ZNF134: variants seen among roughly 807,000 people sequenced by gnomAD.
ZNF134 encodes zinc finger protein 134 (clone pHZ-15).
In ZNF134, 5 loss-of-function variants were observed where a neutral mutation model predicts 2.5. The ratio of observed to expected loss-of-function variants is 2.03; its 90% CI spans 1.06 to 4.27. ZNF134 has a LOEUF of 4.27. Ranked by LOEUF, ZNF134 falls within the 30% of genes most tolerant of loss-of-function variation. The pLI is 0.00. For synonymous variants in ZNF134, 176 were observed against 176.2 expected, an observed-to-expected ratio of 1.00 and a Z score of 0.01; for missense variants, 540 against 517.5, an observed-to-expected ratio of 1.04 and a Z score of -0.42.
chr19:57,616,136 T>A (rs759581646), intron 1 of ZNF134, among the ~76,000 whole-genome samples: 13 of 152,158 alleles, frequency 8.5e-5, no homozygotes, highest in Non-Finnish European at 1.3e-4. Context: ...CATTGGTGCC[T>A]CAGTTACCCA....
At chr19:57,620,036 C>CCTAG in intron 2 of ZNF134, 124 bp from the exon 3 acceptor site, 1 of 1,136,804 alleles carries the variant, frequency 8.8e-7, no homozygotes, top group Non-Finnish European at 1.2e-6. Flanking sequence ...TCAACCTGAT[C>CCTAG]CTAGCTCTGT....
rs1176453812 is a variant in ZNF134 at position 57,623,330 on chromosome 19, T to G, written c.*1927T>G. On this transcript the variant is annotated 3_prime_UTR_variant, in exon 3 of 3. Coordinates refer to ENST00000396161, the MANE Select transcript of ZNF134 (RefSeq NM_003435.5). ...ATTGATGTCTGTACTCCACCCCCAT[T>G]TTTAAATATTAAAAAGCTGCTGCAA... 6.6e-6 allele frequency: 1 copy of G among 152,182 alleles called. No homozygotes were observed. The highest frequency in any genetic ancestry group is 1.5e-5 in the Non-Finnish European group (1 of 68,034). 9.4% of individuals were successfully genotyped at this position (152,182 alleles called of 1,614,324 possible). A position where few individuals can be genotyped will look rare whatever the true frequency, so the allele number is the denominator to read the frequency against.
Position 57,621,509 on chromosome 19 carries a change from C to T in ZNF134, c.*106C>T. ...ATGGTGCCAGGTACGTGGGAACCTTCTAGGGATATGTTGCACTTTCTGACT... is the reference window on the plus strand; with the variant it reads ...ATGGTGCCAGGTACGTGGGAACCTTTTAGGGATATGTTGCACTTTCTGACT... On this transcript the variant is annotated 3_prime_UTR_variant, in exon 3 of 3. Transcript: ENST00000396161. 6.5e-7 allele frequency: 1 copy of T among 1,546,196 alleles called. No homozygotes were observed. The highest frequency in any genetic ancestry group is 8.8e-7 in the Non-Finnish European group (1 of 1,131,434).
In ZNF134 at chr19:57,622,389, A is replaced by G. The variant is rs1981251880; in HGVS notation, c.*986A>G. Reference sequence around the variant, plus strand: ...CATCCAGTAGGGAAACAAAATTGATAAATATTGAGTGTGAGTAATTGGGAT... The same window carrying G: ...CATCCAGTAGGGAAACAAAATTGATGAATATTGAGTGTGAGTAATTGGGAT... On this transcript the variant is annotated 3_prime_UTR_variant, in exon 3 of 3. Transcript: ENST00000396161. The G allele has an allele frequency of 6.6e-6, 1 of 152,226 alleles. No homozygotes were observed. The highest frequency in any genetic ancestry group is 2.4e-5 in the African/African-American group (1 of 41,434). 9.4% of individuals were successfully genotyped at this position (152,226 alleles called of 1,614,324 possible).
rs1248060273 is a variant in ZNF134 at position 57,622,939 on chromosome 19, TG to T, written c.*1537del. On this transcript the variant is annotated 3_prime_UTR_variant, in exon 3 of 3. Transcript: ENST00000396161. ...TGCAATATATTGCACATATTTAAAG[TG>T]TACGAGTTAAGTCTTGATACACACA... The T allele has an allele frequency of 6.9e-6, 1 of 145,916 alleles. No homozygotes were observed. Among genetic ancestry groups the T allele is most frequent in the African/African-American group, 2.5e-5 (1 of 39,294 alleles). The allele number at this position is 145,916 out of a possible 1,614,324, so 9.0% of individuals were successfully genotyped here.
rs763887818 is a variant in ZNF134 at position 57,620,414 on chromosome 19, T to C, written c.295T>C (p.Cys99Arg). 1 of 1,614,128 alleles carries C rather than the reference T, an allele frequency of 6.2e-7. No individual in the cohort carries two copies. The highest frequency in any genetic ancestry group is 2.2e-5 in the East Asian group (1 of 44,882). ...TGCAAACCTTCATCAGTACCAGAAG[T>C]GTTACAGTATAGAGCAACCCTTAAG... ...FSANLHQYQK[C>R]YSIEQPLRRD... is the part of the protein sequence containing the mutation. The change falls in exon 3 of 3, where the codon TGT (cysteine) becomes CGT (arginine). Residue 99 changes from cysteine to arginine, a missense_variant. Physicochemically the swap from Cys to Arg is radical, Grantham distance 180. Transcript: ENST00000396161.
chr19:57,617,432 G>T (rs1303950084), intron 1 of ZNF134, among the ~76,000 whole-genome samples: 1 of 152,194 alleles, frequency 6.6e-6, no homozygotes, highest in Non-Finnish European at 1.5e-5. Flanking sequence ...GAAAGAAAAG[G>T]CAAGGGGTGA....
Position 57,623,058 on chromosome 19 carries a change from GC to G in ZNF134, c.*1658del, listed in dbSNP as rs1981276978. On this transcript the variant is annotated 3_prime_UTR_variant, in exon 3 of 3. Transcript: ENST00000396161. ...CTGTTACCCCCAAAGTTAACCTGAGGCCCTTAACCTTTCTCTCAGTGCTCGC... is the reference window on the plus strand; with the variant it reads ...CTGTTACCCCCAAAGTTAACCTGAGGCCTTAACCTTTCTCTCAGTGCTCGC... 1 of 151,756 alleles carries G rather than the reference GC, an allele frequency of 6.6e-6. No homozygotes were observed. Among genetic ancestry groups the G allele is most frequent in the Non-Finnish European group, 1.5e-5 (1 of 67,976 alleles). The allele number at this position is 151,756 out of a possible 1,614,324, so 9.4% of individuals were successfully genotyped here. A position where few individuals can be genotyped will look rare whatever the true frequency, so the allele number is the denominator to read the frequency against.
chr19:57,621,262 T>C lies in ZNF134; in HGVS notation c.1143T>C (p.Phe381=), dbSNP rs570889869. The C allele has an allele frequency of 1.2e-6, 2 of 1,613,976 alleles. No individual in the cohort carries two copies. Among genetic ancestry groups the C allele is most frequent in the Non-Finnish European group, 1.7e-6 (2 of 1,179,980 alleles). The change falls in exon 3 of 3, where the codon TTT becomes TTC. Residue 381 remains phenylalanine (F), a synonymous_variant. Coordinates refer to ENST00000396161, the MANE Select transcript of ZNF134 (RefSeq NM_003435.5). ...PFVCSKCGKD[F]IRTSHLVRHQ... is the part of the protein sequence containing the mutation. The stretch of plus-strand genomic sequence containing the variant: ...TGTGCAGTAAATGTGGGAAAGACTT[T>C]ATCAGAACCTCCCACCTTGTTCGAC...
intron 1 of ZNF134, among the ~76,000 whole-genome samples, chr19:57,615,448 A>G (rs1307915448): frequency 6.6e-6 from 1 of 151,956 alleles, no homozygotes; most frequent in African/African-American, 2.4e-5. Context: ...GGGTCCTGGC[A>G]TGTGAAAGCA....
rs918840811 is a variant in ZNF134 at position 57,624,199 on chromosome 19, C to T, written c.*2796C>T. The stretch of plus-strand genomic sequence containing the variant: ...CCATTTTTTTTGTTTTCCCCCCTTC[C>T]ATTTCCTCCCCTTTTGAAACAATGC... On this transcript the variant is annotated 3_prime_UTR_variant, in exon 3 of 3. Coordinates refer to ENST00000396161, the MANE Select transcript of ZNF134 (RefSeq NM_003435.5). 6.6e-6 allele frequency: 1 copy of T among 152,192 alleles called. No homozygotes were observed. Among genetic ancestry groups the T allele is most frequent in the Non-Finnish European group, 1.5e-5 (1 of 68,112 alleles). The allele number at this position is 152,192 out of a possible 1,614,324, so 9.4% of individuals were successfully genotyped here. A position where few individuals can be genotyped will look rare whatever the true frequency, so the allele number is the denominator to read the frequency against.
At position 57,621,080 on chromosome 19, in the gene ZNF134, T is replaced by G; in HGVS notation, c.961T>G (p.Cys321Gly). The G allele has an allele frequency of 6.2e-7, 1 of 1,614,228 alleles. No homozygotes were observed. The highest frequency in any genetic ancestry group is 8.5e-7 in the Non-Finnish European group (1 of 1,180,044). Reference sequence around the variant, plus strand: ...AGAAAATCCTTATGATTGCAGTGATTGTGGGAAATCCTTTGGCCACAAATA... The same window carrying G: ...AGAAAATCCTTATGATTGCAGTGATGGTGGGAAATCCTTTGGCCACAAATA... ...TGENPYDCSD[C>G]GKSFGHKYTL... is the part of the protein sequence containing the mutation. The change falls in exon 3 of 3, where the codon TGT becomes GGT. Residue 321 changes from cysteine to glycine, a missense_variant. By Grantham distance (159) the Cys-to-Gly change is radical. Transcript: ENST00000396161.
Position 57,620,288 on chromosome 19 carries a change from C to T in ZNF134, c.169C>T (p.Pro57Ser). ...GGCTCTCCCTTGTGACATATGTGGC[C>T]CCATCTTGAAAGATATTTTGCACCT... ...QTALPCDICG[P>S]ILKDILHLDE... Residue 57 changes from proline (P) to serine (S), a missense_variant, in exon 3 of 3, where the codon CCC becomes TCC. Transcript: ENST00000396161. 2 of 1,614,130 alleles carry T rather than the reference C, an allele frequency of 1.2e-6. No individual in the cohort carries two copies. The highest frequency in any genetic ancestry group is 1.7e-6 in the Non-Finnish European group (2 of 1,180,046).
intron 1 of ZNF134, among the ~76,000 whole-genome samples, chr19:57,618,017 A>G (rs764629281): frequency 6.6e-6 from 1 of 152,130 alleles, no homozygotes; most frequent in South Asian, 2.1e-4. Context: ...CAGTCAAGCT[A>G]GTGAATTAGC....
chr19:57,622,269 T>C lies in ZNF134; in HGVS notation c.*866T>C, dbSNP rs1235282885. ...GCATGTGTCCCATGTTCCCCAACAC[T>C]GTTGAGGGAAAGCTGTTCCTCAGGA... On this transcript the variant is annotated 3_prime_UTR_variant, in exon 3 of 3. Transcript: ENST00000396161. 6.6e-6 allele frequency: 1 copy of C among 152,526 alleles called. No individual in the cohort carries two copies. The highest frequency in any genetic ancestry group is 1.5e-5 in the Non-Finnish European group (1 of 68,220). The allele number at this position is 152,526 out of a possible 1,614,324, so 9.4% of individuals were successfully genotyped here.
At chr19:57,615,628 C>G (rs183079199) in intron 1 of ZNF134, among the ~76,000 whole-genome samples, 14 of 152,258 alleles carry the variant, frequency 9.2e-5, no homozygotes, top group African/African-American at 3.4e-4. Context: ...TTATCTCTAA[C>G]CCATAGTCCC....
In ZNF134 at chr19:57,620,400, A is replaced by T; in HGVS notation, c.281A>T (p.His94Leu). The T allele has an allele frequency of 6.2e-7, 1 of 1,614,250 alleles. No individual in the cohort carries two copies. Among genetic ancestry groups the T allele is most frequent in the Admixed American group, 1.7e-5 (1 of 60,034 alleles). Residue 94 changes from histidine to leucine, a missense_variant, in exon 3 of 3, where the codon CAT (histidine) becomes CTT (leucine). Physicochemically the swap from His to Leu is moderately conservative, Grantham distance 99. Coordinates refer to ENST00000396161, the MANE Select transcript of ZNF134 (RefSeq NM_003435.5). The part of the protein sequence containing the change: ...GRQFWFSANL[H>L]QYQKCYSIEQ... ...CAATTCTGGTTCAGTGCAAACCTTC[A>T]TCAGTACCAGAAGTGTTACAGTATA...
chr19:57,615,501 G>A (rs970535724), intron 1 of ZNF134, among the ~76,000 whole-genome samples: 1 of 152,000 alleles, frequency 6.6e-6, no homozygotes, highest in Non-Finnish European at 1.5e-5. Context: ...GTGCTGCAAA[G>A]TGAAACCAGC....
rs1401651446 is a variant in ZNF134 at position 57,622,069 on chromosome 19, A to T, written c.*666A>T. ...GAGAACAGTTCTTAGTCCAGTTTTG[A>T]TGTTAACTTCCATAGCTGACAAAGC... On this transcript the variant is annotated 3_prime_UTR_variant, in exon 3 of 3. Transcript: ENST00000396161. 1 of 159,780 alleles carries T rather than the reference A, an allele frequency of 6.3e-6. No individual in the cohort carries two copies. Among genetic ancestry groups the T allele is most frequent in the Non-Finnish European group, 1.4e-5 (1 of 71,842 alleles). 9.9% of individuals were successfully genotyped at this position (159,780 alleles called of 1,614,324 possible).
Sources: gnomAD v4.1 joint callset for allele counts (sites outside exome capture counted in the v4.1 genomes callset) on GRCh38, gnomAD v4.1.1 for gene constraint, MANE v1.5 for transcripts, NCBI Gene and HGNC (gene_info 2026-07-23, HGNC 2026-07-21) for gene names.